The following EPHA5 variants were observed in gnomAD, a reference collection of about 807,000 sequenced individuals.
EPHA5 encodes the protein ephrin type-A receptor 5.
Under a neutral mutation model 105.0 loss-of-function variants are expected in EPHA5, and 60 were observed. The ratio of observed to expected loss-of-function variants is 0.57; its 90% confidence interval spans 0.46 to 0.71. EPHA5 has a LOEUF of 0.71. Ranked by LOEUF, EPHA5 falls within the 30% of genes least tolerant of loss-of-function variation. The pLI, the probability that EPHA5 is intolerant of heterozygous loss-of-function variation, is 0.00. For synonymous variants in EPHA5, 513 were observed against 449.1 expected, an observed-to-expected ratio of 1.14 and a Z score of -1.80; for missense variants, 1,218 against 1,274.7, an observed-to-expected ratio of 0.96 and a Z score of 0.68.
At chr4:65,370,374 C>T (rs2053902) in intron 8 of EPHA5, among the ~76,000 whole-genome samples, 135,201 of 152,154 alleles carry the variant, frequency 0.89, 60,295 homozygotes, top group East Asian at 0.97. Flanking sequence ...TAATGTTTCT[C>T]TTTAATAATA....
At chr4:65,631,620 T>C (rs1746635616) in intron 2 of EPHA5, among the ~76,000 whole-genome samples, 1 of 152,026 alleles carries the variant, frequency 6.6e-6, no homozygotes, top group Non-Finnish European at 1.5e-5. Flanking sequence ...GGGTCAGGTA[T>C]TGTGCTGAAC....
At chr4:65,570,701 GA>G (rs774195906) in intron 3 of EPHA5, among the ~76,000 whole-genome samples, 1 of 151,316 alleles carries the variant, frequency 6.6e-6, no homozygotes, top group African/African-American at 2.4e-5. Flanking sequence ...GTCCATCTCT[GA>G]AAAAAAATCG....
rs76008214 is a variant in EPHA5 at position 65,635,229 on chromosome 4, T to C, written c.246+8134A>G. 4.9e-3 allele frequency among the ~76,000 whole-genome samples: 739 copies of C among 152,186 alleles called. 37 individuals are homozygous for C. The East Asian group carries it at 0.11, about 22-fold the overall frequency. On this transcript the variant is annotated intron_variant, in intron 2 of 16. Transcript: ENST00000613740. ...AACTCCTGTTTTGAAGTATCTACAA[T>C]GTAGGGTTACTTTTTCTTTCTCCTC...
intron 3 of EPHA5, among the ~76,000 whole-genome samples, chr4:65,547,599 G>A (rs1737506737): frequency 6.6e-6 from 1 of 151,950 alleles, no homozygotes; most frequent in Non-Finnish European, 1.5e-5. Context: ...CAATGAAATA[G>A]GTAATTCAGG....
chr4:65,326,363 T>C (rs17750599), intron 16 of EPHA5, among the ~76,000 whole-genome samples: 12,551 of 151,292 alleles, frequency 0.083, 591 homozygotes, highest in Middle Eastern at 0.14. Context: ...GTAAAGCACT[T>C]CAAATTATAT....
At position 65,601,931 on chromosome 4, in the gene EPHA5, T is replaced by G; in HGVS notation, c.620A>C (p.Lys207Thr). 2.5e-6 allele frequency: 4 copies of G among 1,614,144 alleles called. No homozygotes were observed. Among genetic ancestry groups the G allele is most frequent in the Non-Finnish European group, 3.4e-6 (4 of 1,180,022 alleles). Residue 207 changes from lysine to threonine, a missense_variant, in exon 3 of 17, where the codon AAA becomes ACA. This residue lies in a region of EPHA5 where 971 missense variants were observed against 1,013.5 expected (regional missense o/e 0.96). Transcript: ENST00000613740. ...TEVRDVGPLSKKGFYLAFQDV... is the reference protein window; with the variant it reads ...TEVRDVGPLSTKGFYLAFQDV... ...TTGAAAAGCAAGATAAAATCCCTTTTTGCTTAGAGGTCCTACATCTCTGAC... is the reference window on the plus strand; with the variant it reads ...TTGAAAAGCAAGATAAAATCCCTTTGTGCTTAGAGGTCCTACATCTCTGAC...
At chr4:65,420,679 C>T in intron 5 of EPHA5, 114 bp from the exon 6 acceptor site, 2 of 1,022,478 alleles carry the variant, frequency 2.0e-6, no homozygotes, top group South Asian at 2.2e-5. Flanking sequence ...AAAAAAATCC[C>T]AATTAAATTT....
intron 1 of EPHA5, among the ~76,000 whole-genome samples, chr4:65,657,131 TAAG>T (rs1749147889): frequency 6.6e-6 from 1 of 152,134 alleles, no homozygotes; most frequent in Non-Finnish European, 1.5e-5. Context: ...TCTCCAATAT[TAAG>T]AATTCTTGCC....
At chr4:65,545,357 A>G (rs1477640216) in intron 3 of EPHA5, among the ~76,000 whole-genome samples, 1 of 151,872 alleles carries the variant, frequency 6.6e-6, no homozygotes, top group Non-Finnish European at 1.5e-5. Context: ...CCATTTTCCA[A>G]AGTAACCCAT....
At chr4:65,564,684 G>A (rs867872753) in intron 3 of EPHA5, among the ~76,000 whole-genome samples, 26 of 151,598 alleles carry the variant, frequency 1.7e-4, no homozygotes, top group Non-Finnish European at 5.9e-5. Flanking sequence ...TATACATTTC[G>A]TGAACTTCCC....
intron 16 of EPHA5, 77 bp downstream of exon 16, chr4:65,331,896 T>G (rs1360988150): frequency 6.6e-7 from 1 of 1,524,460 alleles, no homozygotes; most frequent in East Asian, 2.3e-5. Flanking sequence ...TGATTTCCCT[T>G]ACCTCATCCA....
intron 1 of EPHA5, among the ~76,000 whole-genome samples, chr4:65,664,904 CT>C (rs1749837770): frequency 6.6e-6 from 1 of 151,842 alleles, no homozygotes; most frequent in Non-Finnish European, 1.5e-5. Flanking sequence ...AATTCTGATG[CT>C]TTATAAAAAC....
chr4:65,580,386 C>T (rs1001069112), intron 3 of EPHA5, among the ~76,000 whole-genome samples: 1 of 151,534 alleles, frequency 6.6e-6, no homozygotes, highest in Non-Finnish European at 1.5e-5. Context: ...TAAATTGTAC[C>T]GTCTGACATT....
intron 1 of EPHA5, among the ~76,000 whole-genome samples, chr4:65,648,994 G>A (rs1228636360): frequency 1.3e-5 from 2 of 152,194 alleles, no homozygotes; most frequent in Non-Finnish European, 2.9e-5. Context: ...TATAGGTTTA[G>A]AAGTGTTATG....
At chr4:65,551,280 G>GTGTGTGTGTA (rs1247855503) in intron 3 of EPHA5, among the ~76,000 whole-genome samples, 3 of 140,824 alleles carry the variant, frequency 2.1e-5, no homozygotes, top group South Asian at 2.2e-4. Context: ...GTGTGTGTGT[G>GTGTGTGTGTA]TATATATATA....
chr4:65,662,544 C>T (rs2149552526), intron 1 of EPHA5, among the ~76,000 whole-genome samples: 1 of 152,058 alleles, frequency 6.6e-6, no homozygotes, highest in East Asian at 1.9e-4. Flanking sequence ...CATAACTCAA[C>T]AAAACAGATC....
At chr4:65,612,803 A>T (rs960446323) in intron 2 of EPHA5, among the ~76,000 whole-genome samples, 2 of 151,824 alleles carry the variant, frequency 1.3e-5, no homozygotes, top group Non-Finnish European at 1.5e-5. Context: ...TAATTTGCAA[A>T]TTTTTTTCCA....
rs1020788183 is a variant in EPHA5, at chr4:65,322,445, G to A, written c.*1669C>T. On this transcript the variant is annotated 3_prime_UTR_variant, in exon 17 of 17. Transcript: ENST00000613740. ...TCTGATCTACTGTACTATTAACATT[G>A]ATAATCATGAGTAGGCTGTATTTTA... 4 of 225,716 alleles carry A rather than the reference G, an allele frequency of 1.8e-5. No individual in the cohort carries two copies. Among genetic ancestry groups the A allele is most frequent in the Non-Finnish European group, 2.6e-5 (3 of 113,364 alleles). The allele number at this position is 225,716 out of a possible 1,614,324, so 14.0% of individuals were successfully genotyped here.
At chr4:65,324,948 A>G (rs1489784772) in intron 16 of EPHA5, among the ~76,000 whole-genome samples, 1 of 151,212 alleles carries the variant, frequency 6.6e-6, no homozygotes, top group Non-Finnish European at 1.5e-5. Flanking sequence ...AACTAACAAC[A>G]TATTATGGAG....
Sources: gnomAD v4.1 joint callset for allele counts (sites outside exome capture counted in the v4.1 genomes callset) on GRCh38, gnomAD v4.1.1 for gene constraint, gnomAD v4.1.1 regional missense constraint, MANE v1.5 for transcripts, NCBI Gene and HGNC (gene_info 2026-07-23, HGNC 2026-07-21) for gene names.